The following DDX25 variants were observed in gnomAD, a reference collection of about 807,000 sequenced individuals.
DDX25 encodes the protein ATP-dependent RNA helicase DDX25.
In DDX25, 70 loss-of-function variants were observed where a neutral mutation model predicts 64.6. The observed-to-expected ratio is 1.08, with a 90% confidence interval of 0.89 to 1.32. The LOEUF (loss-of-function observed/expected upper bound fraction) is 1.32, where lower values mean the gene tolerates loss of function less well. Ranked by LOEUF, DDX25 falls within the 40% of genes most tolerant of loss-of-function variation. The probability of loss-of-function intolerance (pLI) is 0.00; values close to 1 mark genes in which losing one functional copy is unlikely to be tolerated. For synonymous variants in DDX25, 211 were observed against 213.3 expected, an observed-to-expected ratio of 0.99 and a Z score of 0.09; for missense variants, 587 against 604.4, an observed-to-expected ratio of 0.97 and a Z score of 0.30.
At chr11:125,917,315 C>T in intron 9 of DDX25, 64 bp downstream of exon 9, 2 of 1,455,876 alleles carry the variant, frequency 1.4e-6, no homozygotes, top group Non-Finnish European at 1.9e-6. Flanking sequence ...TGGGGGACGA[C>T]AATAAGTGCC....
intron 6 of DDX25, among the ~76,000 whole-genome samples, chr11:125,909,520 T>C (rs2134276095): frequency 6.6e-6 from 1 of 152,270 alleles, no homozygotes; most frequent in Middle Eastern, 3.4e-3. Context: ...GAGTATGGAA[T>C]AACAGAGTTT....
chr11:125,909,611 C>T (rs1944938937), intron 6 of DDX25, among the ~76,000 whole-genome samples: 1 of 150,454 alleles, frequency 6.6e-6, no homozygotes, highest in South Asian at 2.1e-4. Context: ...ATAATATAAA[C>T]AGATTGGATC....
Position 125,910,371 on chromosome 11 carries a change from G to A in DDX25, c.515G>A (p.Cys172Tyr). The A allele has an allele frequency of 6.2e-7, 1 of 1,613,862 alleles. No homozygotes were observed. Among genetic ancestry groups the A allele is most frequent in the Non-Finnish European group, 8.5e-7 (1 of 1,179,820 alleles). ...TCTCTCTCTATCCCACAGTGCCTCT[G>A]CCTAGCTCCTACTTATGAATTGGCT... ...NALELFPQCL[C>Y]LAPTYELALQ... Residue 172 changes from cysteine to tyrosine, a missense_variant, in exon 7 of 12, where the codon TGC becomes TAC. By Grantham distance (194) the Cys-to-Tyr change is radical. Coordinates refer to ENST00000263576, the MANE Select transcript of DDX25 (RefSeq NM_013264.5).
intron 4 of DDX25, 91 bp downstream of exon 4, chr11:125,906,300 C>T (rs1158859381): frequency 1.5e-6 from 2 of 1,367,450 alleles, no homozygotes; most frequent in African/African-American, 1.5e-5. Context: ...AGGATCTCCT[C>T]TTTGTTTTCT....
intron 6 of DDX25, among the ~76,000 whole-genome samples, chr11:125,909,892 T>A (rs1944943973): frequency 6.6e-6 from 1 of 152,184 alleles, no homozygotes; most frequent in Non-Finnish European, 1.5e-5. Flanking sequence ...CTTCAGGTGA[T>A]CCGCCCACCT....
chr11:125,915,370 AAT>A (rs566262183), intron 8 of DDX25, among the ~76,000 whole-genome samples: 147 of 152,354 alleles, frequency 9.6e-4, no homozygotes, highest in African/African-American at 3.4e-3. Context: ...ATTGTATCAA[AAT>A]ATCTCTTCAA....
rs1380949221 is a variant in DDX25 at position 125,925,036 on chromosome 11, T to G, written c.*2155T>G. Reference sequence around the variant, plus strand: ...TGCCACTTCCTCATTCACTAATAATTTTTTTTTAGGTTTTCCATCCTAGTT... The same window carrying G: ...TGCCACTTCCTCATTCACTAATAATGTTTTTTTAGGTTTTCCATCCTAGTT... On this transcript the variant is annotated 3_prime_UTR_variant, in exon 12 of 12. Coordinates refer to ENST00000263576, the MANE Select transcript of DDX25 (RefSeq NM_013264.5). 6.1e-6 allele frequency: 1 copy of G among 162,756 alleles called. No homozygotes were observed. Among genetic ancestry groups the G allele is most frequent in the Non-Finnish European group, 1.3e-5 (1 of 74,176 alleles). The allele number at this position is 162,756 out of a possible 1,614,324, so 10.1% of individuals were successfully genotyped here.
intron 9 of DDX25, 55 bp downstream of exon 9, chr11:125,917,306 G>A: frequency 6.6e-7 from 1 of 1,510,054 alleles, no homozygotes; most frequent in Non-Finnish European, 8.9e-7. Flanking sequence ...AGGCCGAGGT[G>A]GGGGACGACA....
intron 8 of DDX25, among the ~76,000 whole-genome samples, chr11:125,912,921 G>T (rs897031623): frequency 6.6e-6 from 1 of 152,094 alleles, no homozygotes; most frequent in Non-Finnish European, 1.5e-5. Flanking sequence ...ACTTTGGGAG[G>T]CCGAGACGGG....
chr11:125,920,923 C>CAT (rs1945104076), intron 10 of DDX25: 2 of 97,866 alleles, frequency 2.0e-5, no homozygotes, highest in South Asian at 3.2e-4. Flanking sequence ...CACACATACA[C>CAT]ACACACACAC....
rs1591519893 is a variant in DDX25 at position 125,917,023 on chromosome 11, C to G, written c.810C>G (p.Pro270=). ...CTCTCCTCTATCACAGAGCTCTACC[C>G]TCCGAATGCCAAATGCTCCTCTTTT... ...DHSIRIQRAL[P]SECQMLLFSA... The change falls in exon 9 of 12, where the codon CCC becomes CCG. Residue 270 remains proline (P), a synonymous_variant. Transcript: ENST00000263576. 6.3e-7 allele frequency: 1 copy of G among 1,593,380 alleles called. No homozygotes were observed. The highest frequency in any genetic ancestry group is 8.5e-7 in the Non-Finnish European group (1 of 1,169,676).
At chr11:125,910,576 G>GATAC in intron 7 of DDX25, 98 bp downstream of exon 7, 1 of 1,015,972 alleles carries the variant, frequency 9.8e-7, no homozygotes. Context: ...ATCTCTAAAT[G>GATAC]GGGGAAATAA....
chr11:125,923,550 A>G lies in DDX25; in HGVS notation c.*669A>G, dbSNP rs1945140329. The G allele has an allele frequency of 6.7e-6, 1 of 148,976 alleles. No homozygotes were observed. The highest frequency in any genetic ancestry group is 6.8e-5 in the Admixed American group (1 of 14,648). 9.2% of individuals were successfully genotyped at this position (148,976 alleles called of 1,614,324 possible). A position where few individuals can be genotyped will look rare whatever the true frequency, so the allele number is the denominator to read the frequency against. On this transcript the variant is annotated 3_prime_UTR_variant, in exon 12 of 12. Coordinates refer to ENST00000263576, the MANE Select transcript of DDX25 (RefSeq NM_013264.5). ...TAGTCTCTAAAAGTGTGGCTGTATT[A>G]TGGGCATTTCTTAAAAGCAGTCGGG... is the stretch of plus-strand genomic sequence containing the variant.
At chr11:125,912,743 C>G (rs1247961606) in intron 8 of DDX25, among the ~76,000 whole-genome samples, 1 of 142,134 alleles carries the variant, frequency 7.0e-6, no homozygotes. Flanking sequence ...ATTGCTTTTG[C>G]TTTTTTTTTT....
At chr11:125,903,711 A>C (rs1591512300), upstream of DDX25, among the ~76,000 whole-genome samples, 2 of 149,502 alleles carry the variant, frequency 1.3e-5, no homozygotes, top group East Asian at 4.0e-4. Flanking sequence ...CCAATTCCAG[A>C]AATGCTGATC....
At chr11:125,910,230 TA>T in intron 6 of DDX25, 133 bp from the exon 7 acceptor site, 1 of 676,922 alleles carries the variant, frequency 1.5e-6, no homozygotes, top group Non-Finnish European at 2.5e-6. Context: ...TGTATCCAAT[TA>T]AAAATATTTC....
At position 125,917,065 on chromosome 11, in the gene DDX25, C is replaced by T. The variant is rs370049057; in HGVS notation, c.852C>T (p.Asp284=). Residue 284 remains aspartate (D), a synonymous_variant, in exon 9 of 12, where the codon GAC becomes GAT. Transcript: ENST00000263576. The part of the protein sequence containing the change: ...QMLLFSATFE[D]SVWHFAERII... ...TCCTCTTTTCAGCAACCTTTGAGGA[C>T]TCTGTGTGGCACTTTGCTGAGCGAA... is the stretch of plus-strand genomic sequence containing the variant. The T allele has an allele frequency of 4.4e-5, 71 of 1,609,270 alleles. No individual in the cohort carries two copies. The highest frequency in any genetic ancestry group is 5.6e-5 in the Non-Finnish European group (66 of 1,178,204).
At chr11:125,910,902 C>A (rs1027889072) in intron 7 of DDX25, among the ~76,000 whole-genome samples, 2 of 149,406 alleles carry the variant, frequency 1.3e-5, no homozygotes, top group Admixed American at 6.7e-5. Context: ...AACAGGCAAG[C>A]CTTTGTGTTT....
At position 125,922,946 on chromosome 11, in the gene DDX25, G is replaced by A. The variant is rs1945132911; in HGVS notation, c.*65G>A. 6.9e-7 allele frequency: 1 copy of A among 1,459,138 alleles called. No homozygotes were observed. The highest frequency in any genetic ancestry group is 1.4e-5 in the African/African-American group (1 of 70,850). 90.4% of individuals were successfully genotyped at this position (1,459,138 alleles called of 1,614,324 possible). On this transcript the variant is annotated 3_prime_UTR_variant, in exon 12 of 12. Transcript: ENST00000263576. ...TGAGAATGTCTCAGTGGGTTTTGAA[G>A]GTAATTTTTTTATGTTGAGGCTTTT...
Sources: gnomAD v4.1 joint callset for allele counts (sites outside exome capture counted in the v4.1 genomes callset) on GRCh38, gnomAD v4.1.1 for gene constraint, MANE v1.5 for transcripts, NCBI Gene and HGNC (gene_info 2026-07-23, HGNC 2026-07-21) for gene names.